Variants in CADPS2 observed in about 807,000 individuals in gnomAD.
CADPS2 encodes the protein calcium-dependent secretion activator 2.
A neutral mutation model predicts 172.5 loss-of-function variants in CADPS2; 93 were observed. The ratio of observed to expected loss-of-function variants is 0.54; its 90% CI spans 0.46 to 0.64. The LOEUF (loss-of-function observed/expected upper bound fraction) is 0.64. CADPS2 is among the 30% of genes least tolerant of loss of function. The pLI is 0.00. For synonymous variants in CADPS2, 546 were observed against 555.2 expected (o/e 0.98, Z 0.23); for missense variants, 1,420 against 1,565.9 (o/e 0.91, Z 1.57).
chr7:122,805,750 C>T (rs1057446139), intron 1 of CADPS2, among the ~76,000 whole-genome samples: 2 of 152,108 alleles, frequency 1.3e-5, no homozygotes, highest in Non-Finnish European at 2.9e-5. Context: ...CACAAAGGCA[C>T]CAGTTAGATA....
chr7:122,700,611 T>A (rs2085895717), intron 2 of CADPS2, among the ~76,000 whole-genome samples: 1 of 152,154 alleles, frequency 6.6e-6, no homozygotes, highest in Non-Finnish European at 1.5e-5. Context: ...TAGGTGTTTA[T>A]TCATCTACTA....
intron 2 of CADPS2, among the ~76,000 whole-genome samples, chr7:122,719,518 G>C (rs1303985239): frequency 1.3e-4 from 20 of 152,166 alleles, no homozygotes; most frequent in Non-Finnish European, 4.4e-5. Flanking sequence ...AGAGAGAAAA[G>C]GCTGGTCTCC....
chr7:122,673,666 T>C (rs1195337701), intron 2 of CADPS2, among the ~76,000 whole-genome samples: 5 of 151,670 alleles, frequency 3.3e-5, no homozygotes, highest in African/African-American at 1.2e-4. Flanking sequence ...TAGACACAGA[T>C]TGCTGATTGT....
At chr7:122,359,827 A>G (rs1361948884) in intron 27 of CADPS2, among the ~76,000 whole-genome samples, 2 of 152,172 alleles carry the variant, frequency 1.3e-5, no homozygotes, top group Non-Finnish European at 2.9e-5. Context: ...CAAAGGTAGA[A>G]AAGTCCAGGG....
At chr7:122,595,586 G>C (rs2071639563) in intron 6 of CADPS2, among the ~76,000 whole-genome samples, 1 of 152,106 alleles carries the variant, frequency 6.6e-6, no homozygotes, top group African/African-American at 2.4e-5. Flanking sequence ...TATCAGAGCA[G>C]TAACGTGGAG....
rs3034498 is a variant in CADPS2, at chr7:122,579,450, A to AATATATATATATATATATAT, written c.1335+1709_1335+1728dup. ...GTTTCTCAGATATAAAATTGCATCG[A>AATATATATATATATATATAT]ATATATATATATATATATATATATA... is the stretch of plus-strand genomic sequence containing the variant. On this transcript the variant is annotated intron_variant, in intron 7 of 29. Transcript: ENST00000449022. Among the ~76,000 whole-genome samples, 114 of 128,638 alleles carry AATATATATATATATATATAT rather than the reference A, an allele frequency of 8.9e-4. 1 individual carries two copies. Among genetic ancestry groups the AATATATATATATATATATAT allele is most frequent in the African/African-American group, 2.2e-3 (76 of 33,784 alleles). The allele number at this position is 128,638 out of a possible 152,430, so 84.4% of individuals were successfully genotyped here. A position where few individuals can be genotyped will look rare whatever the true frequency, so the allele number is the denominator to read the frequency against.
chr7:122,326,379 C>G (rs1249078035), intron 28 of CADPS2, among the ~76,000 whole-genome samples: 1 of 151,978 alleles, frequency 6.6e-6, no homozygotes, highest in African/African-American at 2.4e-5. Context: ...TCCTATATGT[C>G]TGTCAGTCTA....
chr7:122,405,646 C>A (rs1286309853), intron 20 of CADPS2, among the ~76,000 whole-genome samples: 2 of 148,320 alleles, frequency 1.3e-5, no homozygotes, highest in East Asian at 4.0e-4. Flanking sequence ...GGCGATGGAA[C>A]AAGCTCTGTC....
In CADPS2 at chr7:122,801,328, G is replaced by A. The variant is rs565750868; in HGVS notation, c.340-64260C>T. 1.1e-4 allele frequency among the ~76,000 whole-genome samples: 16 copies of A among 151,986 alleles called. No individual in the cohort carries two copies. In the South Asian group the frequency reaches 3.3e-3, roughly 32 times the overall value. On this transcript the variant is annotated intron_variant, in intron 1 of 29. Transcript: ENST00000449022. ...ATGTTTATACCAGATATGCTTAAGT[G>A]GTCCAATATGTATTAAAAAAACTCC... is the stretch of plus-strand genomic sequence containing the variant.
chr7:122,826,328 C>T (rs947910300), intron 1 of CADPS2, among the ~76,000 whole-genome samples: 2 of 152,144 alleles, frequency 1.3e-5, no homozygotes, highest in African/African-American at 4.8e-5. Context: ...GGAGCAGTAT[C>T]CAAAACTACC....
intron 1 of CADPS2, among the ~76,000 whole-genome samples, chr7:122,743,395 C>G (rs1300425788): frequency 6.6e-6 from 1 of 152,134 alleles, no homozygotes; most frequent in Non-Finnish European, 1.5e-5. Flanking sequence ...AGGATTTATA[C>G]TACTGCAGGA....
intron 6 of CADPS2, among the ~76,000 whole-genome samples, chr7:122,593,619 C>T (rs2071258751): frequency 6.6e-6 from 1 of 151,990 alleles, no homozygotes; most frequent in South Asian, 2.1e-4. Flanking sequence ...CATATTAGTA[C>T]TGCTTTAGCT....
intron 8 of CADPS2, among the ~76,000 whole-genome samples, chr7:122,516,141 C>T (rs1335232084): frequency 6.6e-6 from 1 of 152,062 alleles, no homozygotes; most frequent in Non-Finnish European, 1.5e-5. Flanking sequence ...CCAAGGTAAG[C>T]ATTTAAATGA....
intron 1 of CADPS2, among the ~76,000 whole-genome samples, chr7:122,879,130 G>C (rs550008805): frequency 6.6e-6 from 1 of 151,480 alleles, no homozygotes; most frequent in South Asian, 2.1e-4. Context: ...CCAGCTACTC[G>C]AGAGGCCGAG....
At chr7:122,806,410 C>T (rs1798810444) in intron 1 of CADPS2, among the ~76,000 whole-genome samples, 1 of 152,132 alleles carries the variant, frequency 6.6e-6, no homozygotes, top group Non-Finnish European at 1.5e-5. Flanking sequence ...AAATAAGGGC[C>T]AGAATCTACA....
intron 1 of CADPS2, among the ~76,000 whole-genome samples, chr7:122,741,649 T>C (rs1319553357): frequency 6.6e-6 from 1 of 152,222 alleles, no homozygotes; most frequent in Non-Finnish European, 1.5e-5. Context: ...CTAATCAACA[T>C]ATTAATCTGT....
intron 1 of CADPS2, among the ~76,000 whole-genome samples, chr7:122,857,872 C>T (rs1815750588): frequency 6.6e-6 from 1 of 152,036 alleles, no homozygotes; most frequent in South Asian, 2.1e-4. Context: ...ATGTCTGGAG[C>T]TTCTTCCTTG....
At chr7:122,386,679 C>A (rs973294552) in intron 24 of CADPS2, among the ~76,000 whole-genome samples, 5 of 152,008 alleles carry the variant, frequency 3.3e-5, no homozygotes, top group Admixed American at 3.3e-4. Flanking sequence ...TTTATAGATG[C>A]AAACTCTGGA....
At chr7:122,639,065 T>C (rs1487195884) in intron 3 of CADPS2, among the ~76,000 whole-genome samples, 1 of 152,192 alleles carries the variant, frequency 6.6e-6, no homozygotes, top group East Asian at 1.9e-4. Context: ...GGTGTCATTT[T>C]GTGAAACTGG....
Sources: gnomAD v4.1 joint callset for allele counts (sites outside exome capture counted in the v4.1 genomes callset) on GRCh38, gnomAD v4.1.1 for gene constraint, MANE v1.5 for transcripts, NCBI Gene and HGNC (gene_info 2026-07-23, HGNC 2026-07-21) for gene names.